SERBP1: variants seen among roughly 807,000 people sequenced by gnomAD.
The protein encoded by SERBP1 is SERPINE1 mRNA binding protein 1, also known as SERPINE1 mRNA-binding protein 1.
A neutral mutation model predicts 50.2 loss-of-function variants in SERBP1; 6 were observed. The observed-to-expected ratio is 0.12, with a 90% CI of 0.07 to 0.24. SERBP1 has a LOEUF of 0.24. SERBP1 is among the 10% of genes least tolerant of loss of function. The probability of loss-of-function intolerance (pLI) is 1.00; values close to 1 mark genes in which losing one functional copy is unlikely to be tolerated. For synonymous variants in SERBP1, 168 were observed against 182.8 expected (o/e 0.92, Z 0.65); for missense variants, 346 against 524.9 (o/e 0.66, Z 3.33).
At chr1:67,425,281 T>C in intron 2 of SERBP1, 58 bp from the exon 3 acceptor site, 1 of 1,483,972 alleles carries the variant, frequency 6.7e-7, no homozygotes, top group Admixed American at 2.3e-5. Flanking sequence ...TGAGGAAAAT[T>C]CATCCAAAAG....
rs1370544158 is a variant in SERBP1 at position 67,429,957 on chromosome 1, C to T, written c.313+31G>A. On this transcript the variant is annotated intron_variant, in intron 1 of 7. Coordinates refer to ENST00000361219, the MANE Select transcript of SERBP1 (RefSeq NM_001018069.2). ...GCCCCCTCGCTCCTTCCCTCCATCC[C>T]AGTCTCCCCCACATTCTGCCCCTGC... 5 of 1,556,796 alleles carry T rather than the reference C, an allele frequency of 3.2e-6. No homozygotes were observed. The East Asian group carries it at 9.1e-5, about 28-fold the overall frequency.
intron 3 of SERBP1, 23 bp downstream of exon 3, chr1:67,425,060 A>G (rs1413006098): frequency 1.2e-6 from 2 of 1,602,076 alleles, no homozygotes; most frequent in Non-Finnish European, 1.7e-6. Context: ...TATTAAAGTA[A>G]AATAAAAACC....
At chr1:67,423,947 C>A (rs903089032) in intron 5 of SERBP1, among the ~76,000 whole-genome samples, 1 of 152,136 alleles carries the variant, frequency 6.6e-6, no homozygotes, top group Non-Finnish European at 1.5e-5. Context: ...CTTTGGGAGG[C>A]CAAGGCAGGA....
At chr1:67,413,400 G>A (rs752747765) in intron 7 of SERBP1, 137 bp from the exon 8 acceptor site, 9 of 765,150 alleles carry the variant, frequency 1.2e-5, no homozygotes, top group African/African-American at 1.9e-5. Flanking sequence ...TGTAATCCCA[G>A]CGCTTTGGGA....
In SERBP1 at chr1:67,412,918, G is replaced by T; in HGVS notation, c.*289C>A. The T allele has an allele frequency of 2.4e-6, 1 of 409,540 alleles. No homozygotes were observed. Among genetic ancestry groups the T allele is most frequent in the South Asian group, 3.5e-5 (1 of 28,880 alleles). 25.4% of individuals were successfully genotyped at this position (409,540 alleles called of 1,614,324 possible). ...ATTTCAAGTTTGGAAATGCATATTTGCAAGCAGCAATACAAAAGTATTCAT... is the reference window on the plus strand; with the variant it reads ...ATTTCAAGTTTGGAAATGCATATTTTCAAGCAGCAATACAAAAGTATTCAT... On this transcript the variant is annotated 3_prime_UTR_variant, in exon 8 of 8. Coordinates refer to ENST00000361219, the MANE Select transcript of SERBP1 (RefSeq NM_001018069.2).
rs772996904 is a variant in SERBP1 at position 67,426,164 on chromosome 1, C to A, written c.435G>T (p.Lys145Asn). ...CAACTGAAAATTCGCCTCCTTCACCCTTTTCTTCAAGTGGCTTTTCGAATC... is the reference window on the plus strand; with the variant it reads ...CAACTGAAAATTCGCCTCCTTCACCATTTTCTTCAAGTGGCTTTTCGAATC... Reference protein sequence around the residue: ...ERRFEKPLEEKGEGGEFSVDR... With the variant: ...ERRFEKPLEENGEGGEFSVDR... The change falls in exon 2 of 8, where the codon AAG becomes AAT. Residue 145 changes from lysine to asparagine, a missense_variant. By Grantham distance (94) the Lys-to-Asn change is moderately conservative. Around this residue, in one of 5 missense-constraint regions of SERBP1, gnomAD observed 257 missense variants for 331.2 expected, o/e 0.78. Transcript: ENST00000361219. 6.2e-7 allele frequency: 1 copy of A among 1,608,050 alleles called. No homozygotes were observed. Among genetic ancestry groups the A allele is most frequent in the Admixed American group, 1.7e-5 (1 of 59,132 alleles).
At chr1:67,429,963 C>A in intron 1 of SERBP1, 25 bp downstream of exon 1, 1 of 1,574,990 alleles carries the variant, frequency 6.3e-7, no homozygotes, top group South Asian at 1.2e-5. Context: ...ATCCCAGTCT[C>A]CCCCACATTC....
chr1:67,416,555 T>C (rs921882018), intron 6 of SERBP1, among the ~76,000 whole-genome samples: 5 of 152,240 alleles, frequency 3.3e-5, no homozygotes, highest in African/African-American at 1.2e-4. Context: ...TAAGGAATCT[T>C]CTTTTCTAAA....
Position 67,411,348 on chromosome 1 carries a change from T to G in SERBP1, c.*1859A>C, listed in dbSNP as rs1448540103. On this transcript the variant is annotated 3_prime_UTR_variant, in exon 8 of 8. Coordinates refer to ENST00000361219, the MANE Select transcript of SERBP1 (RefSeq NM_001018069.2). ...AGAGGTTTATAAAACATGGTACATGTTTGGAAATGAGTTAGATACTTGAAA... is the reference window on the plus strand; with the variant it reads ...AGAGGTTTATAAAACATGGTACATGGTTGGAAATGAGTTAGATACTTGAAA... 6.6e-6 allele frequency: 1 copy of G among 152,174 alleles called. No individual in the cohort carries two copies. Among genetic ancestry groups the G allele is most frequent in the Non-Finnish European group, 1.5e-5 (1 of 68,010 alleles). 9.4% of individuals were successfully genotyped at this position (152,174 alleles called of 1,614,324 possible).
At chr1:67,415,424 A>G (rs1210175257) in intron 6 of SERBP1, 85 bp from the exon 7 acceptor site, 42 of 1,368,314 alleles carry the variant, frequency 3.1e-5, no homozygotes, top group Non-Finnish European at 4.0e-5. Flanking sequence ...CTTCTAAAAA[A>G]AACCAAAAAT....
intron 7 of SERBP1, among the ~76,000 whole-genome samples, chr1:67,414,881 T>C (rs906859201): frequency 1.3e-5 from 2 of 152,138 alleles, no homozygotes; most frequent in Non-Finnish European, 2.9e-5. Flanking sequence ...GAGAATGTCA[T>C]CACAGTAACA....
At chr1:67,424,054 T>C in intron 5 of SERBP1, 146 bp downstream of exon 5, 1 of 745,042 alleles carries the variant, frequency 1.3e-6, no homozygotes, top group Non-Finnish European at 2.1e-6. Context: ...TTTCAAATAC[T>C]CTTTGAGGGA....
Position 67,430,301 on chromosome 1 carries a change from G to A in SERBP1, c.-1C>T. The A allele has an allele frequency of 6.7e-7, 1 of 1,495,412 alleles. No individual in the cohort carries two copies. The highest frequency in any genetic ancestry group is 8.9e-7 in the Non-Finnish European group (1 of 1,123,814). The allele number at this position is 1,495,412 out of a possible 1,614,324, so 92.6% of individuals were successfully genotyped here. A position where few individuals can be genotyped will look rare whatever the true frequency, so the allele number is the denominator to read the frequency against. On this transcript the variant is annotated 5_prime_UTR_variant, in exon 1 of 8. Coordinates refer to ENST00000361219, the MANE Select transcript of SERBP1 (RefSeq NM_001018069.2). The stretch of plus-strand genomic sequence containing the variant: ...AGCCTTCCTGTAAGTGCCCAGGCAT[G>A]ATGGTGGCTCGGCGGCGCGTTCCTC...
Position 67,430,101 on chromosome 1 carries a change from C to G in SERBP1, c.200G>C (p.Gly67Ala). Residue 67 changes from glycine (G) to alanine (A), a missense_variant, in exon 1 of 8, where the codon GGC (glycine) becomes GCC (alanine). Gly to Ala is a moderately conservative substitution (Grantham distance 60, BLOSUM62 0). Coordinates refer to ENST00000361219, the MANE Select transcript of SERBP1 (RefSeq NM_001018069.2). ...CTGGGACTCCTTGCGCAGCTGTTTGCCTGCCGCGTTGGAGTTGGTCTGGGC... is the reference window on the plus strand; with the variant it reads ...CTGGGACTCCTTGCGCAGCTGTTTGGCTGCCGCGTTGGAGTTGGTCTGGGC... ...AAAQTNSNAA[G>A]KQLRKESQKD... is the part of the protein sequence containing the mutation. 1 of 1,612,854 alleles carries G rather than the reference C, an allele frequency of 6.2e-7. No homozygotes were observed. The highest frequency in any genetic ancestry group is 1.9e-4 in the Middle Eastern group (1 of 5,250).
chr1:67,425,125 C>A lies in SERBP1; in HGVS notation c.563G>T (p.Arg188Leu). 6.2e-7 allele frequency: 1 copy of A among 1,611,676 alleles called. No individual in the cohort carries two copies. The highest frequency in any genetic ancestry group is 8.5e-7 in the Non-Finnish European group (1 of 1,179,782). Residue 188 changes from arginine (R) to leucine (L), a missense_variant, in exon 3 of 8, where the codon CGT (arginine) becomes CTT (leucine). This residue lies in a region of SERBP1 where 257 missense variants were observed against 331.2 expected (regional missense o/e 0.78). Transcript: ENST00000361219. ...ATGCCTATCAAATTCACGTTTGCCA[C>A]GAGAATCAAATCCATCTCCTCGGCC... ...GMGRGDGFDS[R>L]GKREFDRHSG...
chr1:67,424,832 G>C, intron 4 of SERBP1, 56 bp downstream of exon 4: 1 of 1,294,008 alleles, frequency 7.7e-7, no homozygotes, highest in Non-Finnish European at 1.1e-6. Flanking sequence ...ATTTGACAGA[G>C]GTATGGATTA....
intron 6 of SERBP1, among the ~76,000 whole-genome samples, chr1:67,417,583 T>C (rs1667057229): frequency 6.6e-6 from 1 of 152,004 alleles, no homozygotes; most frequent in Admixed American, 6.6e-5. Context: ...CTATCTTGGC[T>C]CACTGCAACC....
intron 6 of SERBP1, 79 bp from the exon 7 acceptor site, chr1:67,415,418 T>C (rs1026981592): frequency 4.3e-6 from 6 of 1,386,696 alleles, no homozygotes; most frequent in Non-Finnish European, 9.6e-7. Context: ...AGCTTTCTTC[T>C]AAAAAAAACC....
At chr1:67,422,077 C>T (rs1440144235) in intron 5 of SERBP1, among the ~76,000 whole-genome samples, 4 of 152,140 alleles carry the variant, frequency 2.6e-5, no homozygotes, top group Admixed American at 6.5e-5. Context: ...ATTTTTATTA[C>T]CAAGTTCAAA....
Sources: allele counts gnomAD v4.1 joint callset (sites outside exome capture counted in the v4.1 genomes callset), GRCh38; gene constraint gnomAD v4.1.1; regional missense constraint gnomAD v4.1.1; transcripts MANE v1.5; gene names NCBI Gene and HGNC (gene_info 2026-07-23, HGNC 2026-07-21).